Variants in C16orf90 observed in about 807,000 individuals in gnomAD.
C16orf90 encodes uncharacterized protein C16orf90.
A neutral mutation model predicts 17.1 loss-of-function variants in C16orf90; 17 were observed. That is an observed-to-expected ratio of 1.00 (90% CI 0.68 to 1.49). The LOEUF (loss-of-function observed/expected upper bound fraction) is 1.49. C16orf90 is among the 40% of genes most tolerant of loss of function. The probability of loss-of-function intolerance (pLI) is 0.00; values close to 1 mark genes in which losing one functional copy is unlikely to be tolerated. For missense variants in C16orf90, 255 were observed against 235.5 expected (o/e 1.08, Z -0.54); for synonymous variants, 108 against 95.8 (o/e 1.13, Z -0.75).
chr16:3,494,088 G>C (rs1002025943), intron 2 of C16orf90, 101 bp from the exon 3 acceptor site: 17 of 1,003,616 alleles, frequency 1.7e-5, no homozygotes, highest in Middle Eastern at 2.5e-4. Context: ...CGATATTCTT[G>C]AAAACAGAAG....
In C16orf90 at chr16:3,494,845, G is replaced by A. The variant is rs770569603; in HGVS notation, c.79C>T (p.His27Tyr). The change falls in exon 2 of 3, where the codon CAC (histidine) becomes TAC (tyrosine). Residue 27 changes from histidine to tyrosine, a missense_variant. Physicochemically the swap from His to Tyr is moderately conservative, Grantham distance 83. Transcript: ENST00000437192. Reference sequence around the variant, plus strand: ...TAGATGTTGGGGGGTGCGTCAGGGTGGCCGGGGCGTCCTTGGGCCTGGCTC... The same window carrying A: ...TAGATGTTGGGGGGTGCGTCAGGGTAGCCGGGGCGTCCTTGGGCCTGGCTC... ...AVSQAQGRPG[H>Y]PDAPPNIYEG... is the part of the protein sequence containing the mutation. 3.3e-6 allele frequency: 5 copies of A among 1,532,894 alleles called. No individual in the cohort carries two copies. Among genetic ancestry groups the A allele is most frequent in the Non-Finnish European group, 4.4e-6 (5 of 1,145,540 alleles). The allele number at this position is 1,532,894 out of a possible 1,614,324, so 95.0% of individuals were successfully genotyped here. A position where few individuals can be genotyped will look rare whatever the true frequency, so the allele number is the denominator to read the frequency against.
At chr16:3,495,905 C>T (rs1005790670), upstream of C16orf90, among the ~76,000 whole-genome samples, 2 of 152,062 alleles carry the variant, frequency 1.3e-5, no homozygotes, top group African/African-American at 4.8e-5. Flanking sequence ...CTGTGGGAGG[C>T]CGGGGTGGGC....
intron 1 of C16orf90, among the ~76,000 whole-genome samples, 156 bp from the exon 2 acceptor site, chr16:3,495,033 C>T (rs896367470): frequency 2.0e-5 from 3 of 152,212 alleles, no homozygotes; most frequent in African/African-American, 4.8e-5. Flanking sequence ...TCTCAGTCCA[C>T]TGCCTCCCCT....
Position 3,495,427 on chromosome 16 carries a change from G to A in C16orf90, c.-6C>T, listed in dbSNP as rs1399058869. 1 of 1,610,018 alleles carries A rather than the reference G, an allele frequency of 6.2e-7. No homozygotes were observed. The highest frequency in any genetic ancestry group is 1.1e-5 in the South Asian group (1 of 90,064). ...GCACAGACCAAGGCTTCCATGGAGG[G>A]CCAGTGTGGTGGGGAGGAGCAACCA... On this transcript the variant is annotated 5_prime_UTR_variant, in exon 1 of 3. Coordinates refer to ENST00000437192, the MANE Select transcript of C16orf90 (RefSeq NM_001080524.2).
Position 3,493,573 on chromosome 16 carries a change from C to A in C16orf90, c.*266G>T. 1 of 325,486 alleles carries A rather than the reference C, an allele frequency of 3.1e-6. No homozygotes were observed. The highest frequency in any genetic ancestry group is 5.9e-6 in the Non-Finnish European group (1 of 169,922). The allele number at this position is 325,486 out of a possible 1,614,324, so 20.2% of individuals were successfully genotyped here. ...CGGGGGGGCCTGATTCTGCACTCAGCCCGGCCTCCCAGGTACAAGTGGCTG... is the reference window on the plus strand; with the variant it reads ...CGGGGGGGCCTGATTCTGCACTCAGACCGGCCTCCCAGGTACAAGTGGCTG... On this transcript the variant is annotated 3_prime_UTR_variant, in exon 3 of 3. Coordinates refer to ENST00000437192, the MANE Select transcript of C16orf90 (RefSeq NM_001080524.2).
rs190822077 is a variant in C16orf90 at position 3,493,822 on chromosome 16, C to A, written c.*17G>T. The A allele has an allele frequency of 2.1e-5, 33 of 1,588,758 alleles. No individual in the cohort carries two copies. The highest frequency in any genetic ancestry group is 1.4e-4 in the Admixed American group (8 of 56,484). ...CCATCCTGCCCCTCCTGTACCCAGT[C>A]CTGGCACTCGGGATCCCTATGGCCT... is the stretch of plus-strand genomic sequence containing the variant. On this transcript the variant is annotated 3_prime_UTR_variant, in exon 3 of 3. Transcript: ENST00000437192.
chr16:3,493,697 CCGAGGCCCAGGCCTGGG>C lies in C16orf90; in HGVS notation c.*125_*141del. On this transcript the variant is annotated 3_prime_UTR_variant, in exon 3 of 3. Coordinates refer to ENST00000437192, the MANE Select transcript of C16orf90 (RefSeq NM_001080524.2). ...TCCTCCCTCTCCCCATCACATTCTC[CCGAGGCCCAGGCCTGGG>C]CGCTGGGCCGCTGCCTGGGCCACCC... 1.5e-6 allele frequency: 1 copy of C among 668,920 alleles called. No individual in the cohort carries two copies. The highest frequency in any genetic ancestry group is 2.2e-5 in the South Asian group (1 of 44,602). 41.4% of individuals were successfully genotyped at this position (668,920 alleles called of 1,614,324 possible).
chr16:3,496,170 T>C (rs967105686), upstream of C16orf90: 3 of 495,852 alleles, frequency 6.1e-6, no homozygotes, highest in Non-Finnish European at 1.2e-5. Context: ...ACATTCATCT[T>C]TCCGGACCTG....
At position 3,494,520 on chromosome 16, in the gene C16orf90, T is replaced by C. The variant is rs773595223; in HGVS notation, c.400+4A>G. 2 of 1,612,038 alleles carry C rather than the reference T, an allele frequency of 1.2e-6. No individual in the cohort carries two copies. The highest frequency in any genetic ancestry group is 2.2e-5 in the South Asian group (2 of 91,042). ...GTGCCCAGTCCTGCCTTGACAGAGC[T>C]CACCACTGCTTCCCAGGCTGTCCCT... On this transcript the variant is annotated splice_donor_region_variant and intron_variant, in intron 2 of 2. Transcript: ENST00000437192.
rs746102886 is a variant in C16orf90, at chr16:3,493,905, C to A, written c.483G>T (p.Gly161=). Reference sequence around the variant, plus strand: ...AGGGACACATGGCCTCTTCCCAGGTCCCCCAGGACCTCTTGGGCCTGAGCC... The same window carrying A: ...AGGGACACATGGCCTCTTCCCAGGTACCCCAGGACCTCTTGGGCCTGAGCC... The part of the protein sequence containing the change: ...PSRLRPKRSW[G]TWEEAMCPLC... The change falls in exon 3 of 3, where the codon GGG becomes GGT. Residue 161 remains glycine, a synonymous_variant. Transcript: ENST00000437192. 1.9e-6 allele frequency: 3 copies of A among 1,608,528 alleles called. No homozygotes were observed. Among genetic ancestry groups the A allele is most frequent in the Admixed American group, 3.4e-5 (2 of 59,058 alleles).
Position 3,494,131 on chromosome 16 carries a change from C to T in C16orf90, c.401-144G>A, listed in dbSNP as rs2037269311. On this transcript the variant is annotated intron_variant, in intron 2 of 2. Coordinates refer to ENST00000437192, the MANE Select transcript of C16orf90 (RefSeq NM_001080524.2). ...GGCAATGCTTCCTCCTTAACAGAATCCCCAGGGGAGGGAGGAGGTTGAGGG... is the reference window on the plus strand; with the variant it reads ...GGCAATGCTTCCTCCTTAACAGAATTCCCAGGGGAGGGAGGAGGTTGAGGG... 6 of 706,642 alleles carry T rather than the reference C, an allele frequency of 8.5e-6. No individual in the cohort carries two copies. The South Asian group carries it at 1.1e-4, about 13-fold the overall frequency. The allele number at this position is 706,642 out of a possible 1,614,324, so 43.8% of individuals were successfully genotyped here.
chr16:3,496,291 C>A, upstream of C16orf90: 4 of 862,034 alleles, frequency 4.6e-6, no homozygotes, highest in South Asian at 1.3e-5. Context: ...GTTTGTTGGT[C>A]AAGCTGTACA....
chr16:3,496,007 G>A (rs1230446376), upstream of C16orf90, among the ~76,000 whole-genome samples: 1 of 152,122 alleles, frequency 6.6e-6, no homozygotes, highest in Non-Finnish European at 1.5e-5. Flanking sequence ...CGGGCGTCGT[G>A]GCGGGAGCCT....
rs1004558058 is a variant in C16orf90, at chr16:3,493,542, C to T, written c.*297G>A. ...TGGGCTCCCCGGCCTCTCAGGGAGG[C>T]GGTGGCGGGGGGGCCTGATTCTGCA... On this transcript the variant is annotated 3_prime_UTR_variant, in exon 3 of 3. Coordinates refer to ENST00000437192, the MANE Select transcript of C16orf90 (RefSeq NM_001080524.2). The T allele has an allele frequency of 5.6e-5, 15 of 268,314 alleles. No homozygotes were observed. The highest frequency in any genetic ancestry group is 1.0e-4 in the Non-Finnish European group (14 of 135,910). 16.6% of individuals were successfully genotyped at this position (268,314 alleles called of 1,614,324 possible).
Position 3,493,893 on chromosome 16 carries a change from C to T in C16orf90, c.495G>A (p.Glu165=), listed in dbSNP as rs2037264818. 6.2e-7 allele frequency: 1 copy of T among 1,608,558 alleles called. No individual in the cohort carries two copies. ...RPKRSWGTWE[E]AMCPLCKRTR... ...TTCTCTTGCACAAGGGACACATGGC[C>T]TCTTCCCAGGTCCCCCAGGACCTCT... is the stretch of plus-strand genomic sequence containing the variant. The change falls in exon 3 of 3, where the codon GAG becomes GAA. Residue 165 remains glutamate (E), a synonymous_variant. Coordinates refer to ENST00000437192, the MANE Select transcript of C16orf90 (RefSeq NM_001080524.2).
chr16:3,493,736 A>T lies in C16orf90; in HGVS notation c.*103T>A, dbSNP rs1439202331. 3 of 1,202,700 alleles carry T rather than the reference A, an allele frequency of 2.5e-6. No individual in the cohort carries two copies. The highest frequency in any genetic ancestry group is 1.5e-5 in the African/African-American group (1 of 65,508). 74.5% of individuals were successfully genotyped at this position (1,202,700 alleles called of 1,614,324 possible). On this transcript the variant is annotated 3_prime_UTR_variant, in exon 3 of 3. Transcript: ENST00000437192. ...TGGGCGCTGGGCCGCTGCCTGGGCC[A>T]CCCCATGTGGCAGGGCCACTGCCGG...
chr16:3,495,577 G>C (rs1276145768), upstream of C16orf90: 17 of 1,454,732 alleles, frequency 1.2e-5, no homozygotes, highest in African/African-American at 8.5e-5. Context: ...CCTAGTTTGG[G>C]AGAGGACAGT....
chr16:3,495,032 A>C (rs1325442291), intron 1 of C16orf90, among the ~76,000 whole-genome samples, 155 bp from the exon 2 acceptor site: 2 of 152,114 alleles, frequency 1.3e-5, no homozygotes, highest in African/African-American at 4.8e-5. Flanking sequence ...GTCTCAGTCC[A>C]CTGCCTCCCC....
intron 2 of C16orf90, 52 bp from the exon 3 acceptor site, chr16:3,494,039 GGGGGGAGGC>G: frequency 6.5e-7 from 1 of 1,541,038 alleles, no homozygotes; most frequent in Non-Finnish European, 8.8e-7. Flanking sequence ...GGGGAGGCTG[GGGGGGAGGC>G]TGGCAGCCCA....
Sources: allele counts gnomAD v4.1 joint callset (sites outside exome capture counted in the v4.1 genomes callset), GRCh38; gene constraint gnomAD v4.1.1; transcripts MANE v1.5; gene names NCBI Gene and HGNC (gene_info 2026-07-23, HGNC 2026-07-21).